The following ZNF577 variants were observed in gnomAD, a reference collection of about 807,000 sequenced individuals.
ZNF577 encodes the protein zinc finger protein 577.
Under a neutral mutation model 13.9 loss-of-function variants are expected in ZNF577, and 14 were observed. The ratio of observed to expected loss-of-function variants is 1.00; its 90% CI spans 0.66 to 1.57. ZNF577 has a LOEUF of 1.57. Ranked by LOEUF, ZNF577 falls within the 40% of genes most tolerant of loss-of-function variation. The probability of loss-of-function intolerance (pLI) is 0.00; values close to 1 mark genes in which losing one functional copy is unlikely to be tolerated. For synonymous variants in ZNF577, 203 were observed against 202.9 expected (o/e 1.00, Z 0.00); for missense variants, 555 against 579.2 (o/e 0.96, Z 0.43).
At chr19:51,880,070 T>G (rs140142816) in intron 3 of ZNF577, among the ~76,000 whole-genome samples, 244 of 152,328 alleles carry the variant, frequency 1.6e-3, no homozygotes, top group African/African-American at 4.6e-3. Flanking sequence ...TACTGGATAC[T>G]CCAGGCTTTA....
At chr19:51,841,133 TATC>T (rs1380022472) in intron 8 of ZNF577, among the ~76,000 whole-genome samples, 1 of 152,176 alleles carries the variant, frequency 6.6e-6, no homozygotes, top group African/African-American at 2.4e-5. Context: ...TCCTGCCTCT[TATC>T]ATATTCTGCT....
In ZNF577 at chr19:51,872,046, T is replaced by C. The variant is rs8100307; in HGVS notation, c.*486A>G. 0.11 allele frequency: 17,453 copies of C among 153,678 alleles called. 1,967 individuals carry two copies. Among genetic ancestry groups the C allele is most frequent in the African/African-American group, 0.27 (11,331 of 41,462 alleles). 9.5% of individuals were successfully genotyped at this position (153,678 alleles called of 1,614,324 possible). A position where few individuals can be genotyped will look rare whatever the true frequency, so the allele number is the denominator to read the frequency against. ...TTCATAGGTTTTCATTACATAATAC[T>C]ATTCCTGGGGTTCAAGATTTCATTA... On this transcript the variant is annotated 3_prime_UTR_variant, in exon 6 of 6. Transcript: ENST00000638348.
intron 2 of ZNF577, 74 bp from the exon 3 acceptor site, chr19:51,880,475 C>T (rs924821458): frequency 3.8e-5 from 51 of 1,337,536 alleles, no homozygotes; most frequent in Non-Finnish European, 4.7e-5. Context: ...AGCTATGTTC[C>T]GACATTAAGA....
chr19:51,852,047 A>G (rs969222004), intron 5 of ZNF577, among the ~76,000 whole-genome samples: 4 of 152,208 alleles, frequency 2.6e-5, no homozygotes, highest in Admixed American at 2.6e-4. Context: ...CCATGAAAGT[A>G]TAAGGCTTCC....
At position 51,872,279 on chromosome 19, in the gene ZNF577, A is replaced by T. The variant is rs181352167; in HGVS notation, c.*253T>A. 5.1e-4 allele frequency: 177 copies of T among 347,202 alleles called. No individual in the cohort carries two copies. In the Middle Eastern group the frequency reaches 6.7e-3, roughly 13 times the overall value. 21.5% of individuals were successfully genotyped at this position (347,202 alleles called of 1,614,324 possible). A position where few individuals can be genotyped will look rare whatever the true frequency, so the allele number is the denominator to read the frequency against. ...AATTTAGCGCTAAAAGCACCATCAC[A>T]ATCTTTCATAAATATTCCTGTAAGA... On this transcript the variant is annotated 3_prime_UTR_variant, in exon 6 of 6. Transcript: ENST00000638348.
At chr19:51,884,468 T>C (rs1262987403) in intron 1 of ZNF577, among the ~76,000 whole-genome samples, 2 of 152,012 alleles carry the variant, frequency 1.3e-5, no homozygotes, top group Non-Finnish European at 2.9e-5. Context: ...TATGGGTAAA[T>C]ATTATACTCA....
At chr19:51,832,343 T>C (rs2084265070) in intron 9 of ZNF577, among the ~76,000 whole-genome samples, 2 of 151,922 alleles carry the variant, frequency 1.3e-5, no homozygotes, top group Admixed American at 1.3e-4. Context: ...AACCATAATT[T>C]TCTTTTTTTA....
intron 4 of ZNF577, 48 bp downstream of exon 4, chr19:51,878,341 G>T: frequency 1.9e-6 from 3 of 1,600,986 alleles, no homozygotes; most frequent in Non-Finnish European, 2.6e-6. Flanking sequence ...CCGTACAGTG[G>T]TCACCAAATA....
At position 51,824,820 on chromosome 19, in the gene ZNF577, T is replaced by A; in HGVS notation, c.*600-13146A>T. 6.3e-7 allele frequency: 1 copy of A among 1,594,786 alleles called. No homozygotes were observed. The highest frequency in any genetic ancestry group is 1.1e-5 in the South Asian group (1 of 88,896). Reference sequence around the variant, plus strand: ...GTTACAAGCAATGTGAGGTCGGGGATATTTTTGGGCTCTGTCTCTTTCTAC... The same window carrying A: ...GTTACAAGCAATGTGAGGTCGGGGAAATTTTTGGGCTCTGTCTCTTTCTAC... On this transcript the variant is annotated intron_variant and NMD_transcript_variant, in intron 9 of 10. Coordinates refer to the ZNF577 transcript ENST00000638827. This position sits in a 1 kb window ranked among gnomAD's most constrained non-coding sequence, Gnocchi z 4.7.
intron 7 of ZNF577, chr19:51,842,935 G>A (rs2122545575): frequency 6.6e-6 from 1 of 152,306 alleles, no homozygotes; most frequent in East Asian, 1.9e-4. Context: ...TAATCACAGA[G>A]AATCTGAGCA....
chr19:51,856,919 A>C (rs550105845), intron 5 of ZNF577, among the ~76,000 whole-genome samples: 12 of 141,142 alleles, frequency 8.5e-5, no homozygotes, highest in African/African-American at 3.3e-4. Flanking sequence ...CTTTTGCCTC[A>C]GGGGAGAATC....
At chr19:51,836,831 G>A (rs10402652) in intron 9 of ZNF577, among the ~76,000 whole-genome samples, 11,548 of 152,100 alleles carry the variant, frequency 0.076, 654 homozygotes, top group South Asian at 0.22. Context: ...ATCACCTGAG[G>A]TCAGGAGTTC....
At position 51,878,377 on chromosome 19, in the gene ZNF577, T is replaced by C. The variant is rs767076554; in HGVS notation, c.187+12A>G. The C allele has an allele frequency of 3.1e-6, 5 of 1,613,076 alleles. No homozygotes were observed. The South Asian group carries it at 5.5e-5, about 18-fold the overall frequency. On this transcript the variant is annotated intron_variant, in intron 4 of 5. Coordinates refer to ENST00000638348, the MANE Select transcript of ZNF577 (RefSeq NM_001370449.1). Reference sequence around the variant, plus strand: ...AGAAAGAAAAGGTAAGTGACGGCAATGCTGTCCTTACCTATTGATACTAGG... The same window carrying C: ...AGAAAGAAAAGGTAAGTGACGGCAACGCTGTCCTTACCTATTGATACTAGG...
At chr19:51,812,373 T>C (rs1437344712) in intron 9 of ZNF577, among the ~76,000 whole-genome samples, 1 of 152,154 alleles carries the variant, frequency 6.6e-6, no homozygotes, top group Admixed American at 6.5e-5. Flanking sequence ...ATAAAAAATA[T>C]CACAAAGAAT....
intron 9 of ZNF577, chr19:51,825,870 T>C (rs2084228964): frequency 6.0e-6 from 1 of 167,136 alleles, no homozygotes; most frequent in African/African-American, 2.4e-5. Flanking sequence ...AAAGTGGGGA[T>C]ATTTGTAAGG....
intron 6 of ZNF577, among the ~76,000 whole-genome samples, chr19:51,843,740 G>C (rs113180211): frequency 5.2e-4 from 79 of 152,252 alleles, no homozygotes; most frequent in African/African-American, 1.8e-3. Flanking sequence ...GGATTAGCAA[G>C]GACTAAGACA....
At position 51,872,482 on chromosome 19, in the gene ZNF577, G is replaced by A. The variant is rs1290458654; in HGVS notation, c.*50C>T. The A allele has an allele frequency of 7.0e-7, 1 of 1,421,744 alleles. No individual in the cohort carries two copies. Among genetic ancestry groups the A allele is most frequent in the Non-Finnish European group, 9.4e-7 (1 of 1,066,664 alleles). The allele number at this position is 1,421,744 out of a possible 1,614,324, so 88.1% of individuals were successfully genotyped here. A position where few individuals can be genotyped will look rare whatever the true frequency, so the allele number is the denominator to read the frequency against. ...TAAATGAGCTCTCTGGGATATAATG[G>A]CTGGAGGATTCCTACTAAAGATTTT... On this transcript the variant is annotated 3_prime_UTR_variant, in exon 6 of 6. Transcript: ENST00000638348.
At chr19:51,849,001 T>A (rs2084367751) in intron 5 of ZNF577, among the ~76,000 whole-genome samples, 1 of 152,216 alleles carries the variant, frequency 6.6e-6, no homozygotes, top group Admixed American at 6.5e-5. Flanking sequence ...GTTTTAATAT[T>A]CCATTGTATG....
intron 9 of ZNF577, among the ~76,000 whole-genome samples, chr19:51,837,223 TTCCCTATC>T (rs1444216076): frequency 6.6e-6 from 1 of 150,684 alleles, no homozygotes; most frequent in East Asian, 2.0e-4. Flanking sequence ...TCTGCCCAGG[TTCCCTATC>T]ACCTATGTTG....
Sources: allele counts gnomAD v4.1 joint callset (sites outside exome capture counted in the v4.1 genomes callset), GRCh38; gene constraint gnomAD v4.1.1; non-coding constraint Gnocchi (gnomAD v3.1); transcripts MANE v1.5; gene names NCBI Gene and HGNC (gene_info 2026-07-23, HGNC 2026-07-21).